MRTFA: variants seen among roughly 807,000 people sequenced by gnomAD.
MRTFA encodes the protein myocardin-related transcription factor A.
Under a neutral mutation model 83.5 loss-of-function variants are expected in MRTFA, and 20 were observed. The observed-to-expected ratio is 0.24, with a 90% CI of 0.17 to 0.35. MRTFA has a LOEUF of 0.35. Ranked by LOEUF, MRTFA falls within the 10% of genes least tolerant of loss-of-function variation. The probability of loss-of-function intolerance (pLI) is 1.00; values close to 1 mark genes in which losing one functional copy is unlikely to be tolerated. For missense variants in MRTFA, 1,200 were observed against 1,224.7 expected, an observed-to-expected ratio of 0.98 and a Z score of 0.30; for synonymous variants, 659 against 541.2, an observed-to-expected ratio of 1.22 and a Z score of -3.02.
chr22:40,548,270 A>T (rs1275637799), intron 3 of MRTFA, among the ~76,000 whole-genome samples: 2 of 148,742 alleles, frequency 1.3e-5, no homozygotes, highest in Non-Finnish European at 3.0e-5. Flanking sequence ...GAGGCACAAG[A>T]ATCACTTGAA....
In MRTFA at chr22:40,492,880, C is replaced by T. The variant is rs75882385; in HGVS notation, c.242-29594G>A. 7.3e-3 allele frequency among the ~76,000 whole-genome samples: 1,119 copies of T among 152,276 alleles called. 13 individuals carry two copies. The highest frequency in any genetic ancestry group is 0.026 in the African/African-American group (1,071 of 41,540). On this transcript the variant is annotated intron_variant, in intron 3 of 14. Transcript: ENST00000355630. ...TGAAAAAACAAATGGACACTTCTCA[C>T]CAATTTGTAAACACTTTGCTGACAA...
chr22:40,461,472 G>A (rs1036686912), intron 4 of MRTFA, among the ~76,000 whole-genome samples: 5 of 151,648 alleles, frequency 3.3e-5, no homozygotes, highest in African/African-American at 1.2e-4. Context: ...GGGCAACATA[G>A]CAAGACCCCA....
chr22:40,541,590 T>A (rs1001205703), intron 3 of MRTFA, among the ~76,000 whole-genome samples: 3 of 152,136 alleles, frequency 2.0e-5, no homozygotes, highest in Non-Finnish European at 4.4e-5. Context: ...CCTGTAAACC[T>A]GGGAGGATCA....
intron 2 of MRTFA, among the ~76,000 whole-genome samples, chr22:40,584,830 G>A (rs1446444426): frequency 2.6e-5 from 4 of 151,662 alleles, no homozygotes; most frequent in African/African-American, 4.8e-5. Context: ...GATCACTTGA[G>A]GTCAGGAGTT....
At chr22:40,460,500 G>A (rs1569278272) in intron 4 of MRTFA, among the ~76,000 whole-genome samples, 2 of 152,174 alleles carry the variant, frequency 1.3e-5, no homozygotes, top group East Asian at 1.9e-4. Context: ...GGTACGTTTT[G>A]GCAGCCCAAA....
chr22:40,516,969 C>A (rs1308833065), intron 3 of MRTFA, among the ~76,000 whole-genome samples: 1 of 151,910 alleles, frequency 6.6e-6, no homozygotes, highest in Non-Finnish European at 1.5e-5. Flanking sequence ...GTCACCCAGG[C>A]TGGAGTGCAG....
At chr22:40,434,042 A>G (rs1305259504) in intron 5 of MRTFA, among the ~76,000 whole-genome samples, 1 of 152,256 alleles carries the variant, frequency 6.6e-6, no homozygotes, top group Non-Finnish European at 1.5e-5. Context: ...TAAAATGAGG[A>G]TAATACCACC....
intron 4 of MRTFA, among the ~76,000 whole-genome samples, chr22:40,449,031 C>T (rs144843102): frequency 0.047 from 7,191 of 152,080 alleles, 299 homozygotes; most frequent in Non-Finnish European, 0.07. Context: ...TTTGGGAGGC[C>T]GAGGCGGGTG....
chr22:40,528,500 G>A (rs1200711067), intron 3 of MRTFA, among the ~76,000 whole-genome samples: 2 of 151,990 alleles, frequency 1.3e-5, no homozygotes, highest in African/African-American at 4.8e-5. Flanking sequence ...CACTTTTGGA[G>A]GCAGAGGCGG....
chr22:40,582,024 T>A (rs545809431), intron 2 of MRTFA, among the ~76,000 whole-genome samples: 2 of 152,316 alleles, frequency 1.3e-5, no homozygotes, highest in South Asian at 4.1e-4. Flanking sequence ...CTAATACATC[T>A]TCTTTACCTT....
At chr22:40,465,419 A>G (rs2053797092) in intron 3 of MRTFA, among the ~76,000 whole-genome samples, 1 of 152,350 alleles carries the variant, frequency 6.6e-6, no homozygotes, top group East Asian at 1.9e-4. Context: ...TTAAGAACAA[A>G]GCCTTGGAGA....
In MRTFA at chr22:40,431,474, C is replaced by T; in HGVS notation, c.370G>A (p.Asp124Asn). 1 of 1,613,920 alleles carries T rather than the reference C, an allele frequency of 6.2e-7. No individual in the cohort carries two copies. The highest frequency in any genetic ancestry group is 8.5e-7 in the Non-Finnish European group (1 of 1,179,834). Reference sequence around the variant, plus strand: ...GAACGAATCTTCCGTTTGAGATAGTCCTCTGTCTACAGAAAAAACACACCA... The same window carrying T: ...GAACGAATCTTCCGTTTGAGATAGTTCTCTGTCTACAGAAAAAACACACCA... Residue 124 changes from aspartate to asparagine, a missense_variant, in exon 6 of 15, where the codon GAC (aspartate) becomes AAC (asparagine). Around this residue, in one of 2 missense-constraint regions of MRTFA, gnomAD observed 93 missense variants for 182.9 expected, o/e 0.51. Transcript: ENST00000355630.
intron 3 of MRTFA, among the ~76,000 whole-genome samples, chr22:40,494,649 C>A (rs1303059081): frequency 1.3e-5 from 2 of 151,796 alleles, no homozygotes; most frequent in East Asian, 3.8e-4. Flanking sequence ...CCACTGCACT[C>A]CAGCCTGGGT....
intron 3 of MRTFA, among the ~76,000 whole-genome samples, chr22:40,499,080 A>G (rs1293369095): frequency 1.3e-5 from 2 of 152,208 alleles, no homozygotes; most frequent in Non-Finnish European, 2.9e-5. Flanking sequence ...CAGGGTAGAA[A>G]AAAAGGGAAA....
chr22:40,418,325 C>G, intron 12 of MRTFA, 49 bp downstream of exon 12: 1 of 1,590,030 alleles, frequency 6.3e-7, no homozygotes, highest in Non-Finnish European at 8.5e-7. Flanking sequence ...GCGAGACGCT[C>G]TTCCCACCCT....
In MRTFA at chr22:40,451,975, GTTTTTTTTTTTT is replaced by G. The variant is rs771103539; in HGVS notation, c.307+11234_307+11245del. Among the ~76,000 whole-genome samples, 39 of 80,478 alleles carry G rather than the reference GTTTTTTTTTTTT, an allele frequency of 4.8e-4. 1 individual carries two copies. Among genetic ancestry groups the G allele is most frequent in the East Asian group, 4.4e-3 (14 of 3,184 alleles). 52.8% of individuals were successfully genotyped at this position (80,478 alleles called of 152,430 possible). On this transcript the variant is annotated intron_variant, in intron 4 of 14. Coordinates refer to ENST00000355630, the MANE Select transcript of MRTFA (RefSeq NM_020831.6). ...ACCTGGCTGAAGTTTTTTTTTTTTGGTTTTTTTTTTTTTTTTTTTTTTTTTTGAGACAGAGTC... is the reference window on the plus strand; with the variant it reads ...ACCTGGCTGAAGTTTTTTTTTTTTGGTTTTTTTTTTTTTTGAGACAGAGTC...
chr22:40,611,012 A>C (rs1017145200), intron 1 of MRTFA, among the ~76,000 whole-genome samples: 10 of 140,618 alleles, frequency 7.1e-5, no homozygotes, highest in Non-Finnish European at 1.3e-4. Context: ...ATCTCGGCTC[A>C]CTGCAACCTC....
chr22:40,457,423 TGAAAGAAAGAAAGAGAAAGAAAGAAA>T (rs1365793590), intron 4 of MRTFA, among the ~76,000 whole-genome samples: 144 of 52,294 alleles, frequency 2.8e-3, no homozygotes, highest in African/African-American at 6.6e-3. Context: ...AGAGACAGAA[TGAAAGAAAGAAAGAGAAAGAAAGAAA>T]GAAAGAAAGA....
chr22:40,583,870 C>T (rs2055985675), intron 2 of MRTFA, among the ~76,000 whole-genome samples: 3 of 152,140 alleles, frequency 2.0e-5, no homozygotes. Context: ...GAGACCACTA[C>T]TCTAGGTGGA....
Sources: allele counts gnomAD v4.1 joint callset (sites outside exome capture counted in the v4.1 genomes callset), GRCh38; gene constraint gnomAD v4.1.1; regional missense constraint gnomAD v4.1.1; transcripts MANE v1.5; gene names NCBI Gene and HGNC (gene_info 2026-07-23, HGNC 2026-07-21).